WWOX: variants seen among roughly 807,000 people sequenced by gnomAD.
The protein encoded by WWOX is WW domain-containing oxidoreductase.
Under a neutral mutation model 46.2 loss-of-function variants are expected in WWOX, and 69 were observed. That is an observed-to-expected ratio of 1.49 (90% CI 1.23 to 1.82). The LOEUF is 1.82. Among genes scored for constraint, WWOX ranks in the 40% most tolerant of loss-of-function variants. The pLI is 0.00. For synonymous variants in WWOX, 359 were observed against 202.6 expected (o/e 1.77, Z -6.56); for missense variants, 919 against 542.6 (o/e 1.69, Z -6.89).
At chr16:78,103,535 G>A (rs1454436686) in intron 1 of WWOX, among the ~76,000 whole-genome samples, 1 of 152,058 alleles carries the variant, frequency 6.6e-6, no homozygotes, top group Non-Finnish European at 1.5e-5. Flanking sequence ...TTCTTTGGGT[G>A]TTAGCTTAGG....
chr16:78,842,491 A>T (rs115785768), intron 8 of WWOX, among the ~76,000 whole-genome samples: 1,458 of 126,544 alleles, frequency 0.012, 21 homozygotes, highest in African/African-American at 0.039. Context: ...TGAAAAAGTG[A>T]CACCCTGTTT....
intron 8 of WWOX, among the ~76,000 whole-genome samples, chr16:79,007,559 C>A (rs1841791692): frequency 6.6e-6 from 1 of 152,210 alleles, no homozygotes; most frequent in Admixed American, 6.5e-5. Flanking sequence ...ATAACCGAAT[C>A]CCCACTACAT....
chr16:78,156,649 T>C (rs1444539230), intron 4 of WWOX, among the ~76,000 whole-genome samples: 1 of 151,972 alleles, frequency 6.6e-6, no homozygotes, highest in Non-Finnish European at 1.5e-5. Context: ...CTGTACTGGG[T>C]GTGGTGGCTC....
intron 8 of WWOX, among the ~76,000 whole-genome samples, chr16:78,501,193 C>CTCTTTTTTTGTT (rs1567609023): frequency 1.1e-5 from 1 of 90,954 alleles, no homozygotes; most frequent in Non-Finnish European, 2.3e-5. Context: ...CTTTCTTTCT[C>CTCTTTTTTTGTT]TTTTTTTTTT....
At chr16:78,311,150 G>T (rs988069691) in intron 5 of WWOX, among the ~76,000 whole-genome samples, 1 of 152,116 alleles carries the variant, frequency 6.6e-6, no homozygotes, top group Non-Finnish European at 1.5e-5. Context: ...GGGGCGGTGG[G>T]TGAAGTGTGA....
intron 8 of WWOX, among the ~76,000 whole-genome samples, chr16:79,073,539 C>G (rs2048591870): frequency 6.6e-6 from 1 of 152,084 alleles, no homozygotes; most frequent in Non-Finnish European, 1.5e-5. Flanking sequence ...TTTATGTCTC[C>G]TACAGACAGC....
intron 5 of WWOX, among the ~76,000 whole-genome samples, chr16:78,359,393 T>G (rs2081363203): frequency 6.6e-6 from 1 of 152,240 alleles, no homozygotes; most frequent in Non-Finnish European, 1.5e-5. Context: ...TCTGCTGTGC[T>G]TAATTCTTAT....
At chr16:78,703,959 C>T (rs1332022951) in intron 8 of WWOX, among the ~76,000 whole-genome samples, 1 of 152,064 alleles carries the variant, frequency 6.6e-6, no homozygotes, top group Non-Finnish European at 1.5e-5. Flanking sequence ...TAATATTTAT[C>T]ATTTTAACCA....
At chr16:78,574,444 G>C (rs570711511) in intron 8 of WWOX, among the ~76,000 whole-genome samples, 8 of 152,126 alleles carry the variant, frequency 5.3e-5, no homozygotes, top group Admixed American at 1.3e-4. Flanking sequence ...GCCAAATAAT[G>C]TCTCTGAAGA....
At chr16:79,171,912 A>G (rs2050707055) in intron 8 of WWOX, among the ~76,000 whole-genome samples, 1 of 152,192 alleles carries the variant, frequency 6.6e-6, no homozygotes, top group African/African-American at 2.4e-5. Context: ...TAATTAGTGC[A>G]TCCTTTTAAG....
intron 5 of WWOX, among the ~76,000 whole-genome samples, chr16:78,272,897 C>T (rs2079507752): frequency 6.6e-6 from 1 of 152,182 alleles, no homozygotes; most frequent in South Asian, 2.1e-4. Context: ...CACAAGACAA[C>T]ATCCTTAACA....
At chr16:78,781,710 G>A (rs1397212139) in intron 8 of WWOX, among the ~76,000 whole-genome samples, 1 of 152,158 alleles carries the variant, frequency 6.6e-6, no homozygotes, top group Non-Finnish European at 1.5e-5. Context: ...GGGAGGTAGA[G>A]GATGCAGTGA....
In WWOX at chr16:78,693,852, C is replaced by G. The variant is rs535433601; in HGVS notation, c.1056+261100C>G. On this transcript the variant is annotated intron_variant, in intron 8 of 8. Coordinates refer to ENST00000566780, the MANE Select transcript of WWOX (RefSeq NM_016373.4). ...AATTATTATTTAAGCTGTGAATACC[C>G]TCTCTTTTCCCACTGAAGTTGTGGT... Among the ~76,000 whole-genome samples the G allele has an allele frequency of 4.3e-3, 658 of 152,270 alleles. 1 individual carries two copies. The highest frequency in any genetic ancestry group is 7.0e-3 in the Non-Finnish European group (478 of 68,020).
At chr16:78,519,758 G>T (rs1054920477) in intron 8 of WWOX, among the ~76,000 whole-genome samples, 1 of 152,072 alleles carries the variant, frequency 6.6e-6, no homozygotes, top group Admixed American at 6.5e-5. Context: ...GAGCCCACAA[G>T]CAGGTGCCAT....
chr16:79,046,797 T>G (rs920226427), intron 8 of WWOX, among the ~76,000 whole-genome samples: 1 of 152,120 alleles, frequency 6.6e-6, no homozygotes, highest in African/African-American at 2.4e-5. Flanking sequence ...GCTCTCTTTG[T>G]CCCCCAGGCC....
chr16:78,321,458 G>T (rs1271510824), intron 5 of WWOX, among the ~76,000 whole-genome samples: 1 of 149,764 alleles, frequency 6.7e-6, no homozygotes, highest in Admixed American at 6.7e-5. Context: ...ATAATGTTAA[G>T]GCTAGAGTAG....
At chr16:78,813,194 T>G (rs2051236682) in intron 8 of WWOX, among the ~76,000 whole-genome samples, 1 of 152,188 alleles carries the variant, frequency 6.6e-6, no homozygotes, top group Admixed American at 6.5e-5. Flanking sequence ...GCTTCTGATT[T>G]TTGTTGTTTT....
intron 5 of WWOX, among the ~76,000 whole-genome samples, chr16:78,214,854 G>A (rs1356094571): frequency 6.6e-6 from 1 of 150,396 alleles, no homozygotes; most frequent in African/African-American, 2.4e-5. Context: ...AAGGTTTGTC[G>A]TTTAAAAATT....
chr16:78,578,566 G>A (rs1567657632), intron 8 of WWOX, among the ~76,000 whole-genome samples: 1 of 151,790 alleles, frequency 6.6e-6, no homozygotes, highest in Non-Finnish European at 1.5e-5. Context: ...GGGATTACAG[G>A]CGTGAGCCAC....
Sources: allele counts gnomAD v4.1 joint callset (sites outside exome capture counted in the v4.1 genomes callset), GRCh38; gene constraint gnomAD v4.1.1; transcripts MANE v1.5; gene names NCBI Gene and HGNC (gene_info 2026-07-23, HGNC 2026-07-21).